MTHFD1L: variants seen among roughly 807,000 people sequenced by gnomAD.
The protein encoded by MTHFD1L is methylenetetrahydrofolate dehydrogenase (NADP+ dependent) 1 like, also known as monofunctional C1-tetrahydrofolate synthase, mitochondrial.
A neutral mutation model predicts 119.5 loss-of-function variants in MTHFD1L; 81 were observed. The ratio of observed to expected loss-of-function variants is 0.68; its 90% CI spans 0.57 to 0.82. MTHFD1L has a LOEUF of 0.82. MTHFD1L is among the 40% of genes least tolerant of loss of function. MTHFD1L has a pLI of 0.00. For missense variants in MTHFD1L, 1,125 were observed against 1,253.4 expected (o/e 0.90, Z 1.55); for synonymous variants, 430 against 475.2 (o/e 0.90, Z 1.24).
chr6:150,928,847 G>A (rs1179647272), intron 11 of MTHFD1L, among the ~76,000 whole-genome samples: 1 of 152,102 alleles, frequency 6.6e-6, no homozygotes, highest in Non-Finnish European at 1.5e-5. Flanking sequence ...CCCAGCTTCT[G>A]TAGCTTTTTT....
Position 150,949,130 on chromosome 6 carries a change from A to G in MTHFD1L, c.1723A>G (p.Arg575Gly). The change falls in exon 16 of 28, where the codon AGA becomes GGA. Residue 575 changes from arginine to glycine, a missense_variant. Coordinates refer to ENST00000367321, the MANE Select transcript of MTHFD1L (RefSeq NM_015440.5). ...CGACCCATCTACCATCACGTGGCAG[A>G]GAGGTGGGTGCTGGGGAGATGCCAG... Reference protein sequence around the residue: ...DIDPSTITWQRVLDTNDRFLR... With the variant: ...DIDPSTITWQGVLDTNDRFLR... The G allele has an allele frequency of 6.2e-7, 1 of 1,613,806 alleles. No homozygotes were observed. The highest frequency in any genetic ancestry group is 8.5e-7 in the Non-Finnish European group (1 of 1,179,844).
chr6:150,923,537 A>ATTTATTTATTTATTTATTTATTTTTTTT (rs1254981530), intron 10 of MTHFD1L, among the ~76,000 whole-genome samples: 2 of 95,208 alleles, frequency 2.1e-5, no homozygotes, highest in Non-Finnish European at 4.0e-5. Flanking sequence ...TTATTTATTT[A>ATTTATTTATTTATTTATTTATTTTTTTT]TTTTTTCTTT....
chr6:151,073,374 G>A (rs889243749), intron 26 of MTHFD1L, among the ~76,000 whole-genome samples: 4 of 152,230 alleles, frequency 2.6e-5, no homozygotes, highest in Admixed American at 6.5e-5. Flanking sequence ...GTTGCCAACA[G>A]CTAGAGTGAA....
chr6:151,043,258 C>CT (rs1170553631), intron 26 of MTHFD1L, among the ~76,000 whole-genome samples: 40,886 of 79,000 alleles, frequency 0.52, 12,404 homozygotes, highest in South Asian at 0.68. Context: ...AGTGTTTTCT[C>CT]TTTTTTTTTT....
intron 8 of MTHFD1L, among the ~76,000 whole-genome samples, chr6:150,908,982 A>T (rs1054604942): frequency 6.6e-6 from 1 of 152,096 alleles, no homozygotes; most frequent in Non-Finnish European, 1.5e-5. Flanking sequence ...TTATAATGAA[A>T]TTTTTATTCT....
At chr6:150,950,098 C>T (rs1224148016) in intron 16 of MTHFD1L, among the ~76,000 whole-genome samples, 1 of 152,174 alleles carries the variant, frequency 6.6e-6, no homozygotes, top group African/African-American at 2.4e-5. Flanking sequence ...CTTCCGTTTC[C>T]ATCCCCCAGT....
intron 15 of MTHFD1L, among the ~76,000 whole-genome samples, chr6:150,948,094 G>C (rs553193399): frequency 6.6e-6 from 1 of 151,886 alleles, no homozygotes; most frequent in African/African-American, 2.4e-5. Flanking sequence ...TGCAACTTCT[G>C]CCTCCCAGGT....
At chr6:151,082,875 A>G (rs1311649828) in intron 26 of MTHFD1L, among the ~76,000 whole-genome samples, 1 of 152,180 alleles carries the variant, frequency 6.6e-6, no homozygotes, top group Non-Finnish European at 1.5e-5. Context: ...GCAAGATGCA[A>G]TTCGTATAGG....
At chr6:151,029,508 C>G (rs1348887974) in intron 24 of MTHFD1L, among the ~76,000 whole-genome samples, 1 of 147,480 alleles carries the variant, frequency 6.8e-6, no homozygotes, top group Non-Finnish European at 1.5e-5. Flanking sequence ...TTAAAAATAA[C>G]AAATCAGGCC....
At chr6:150,959,097 T>C (rs1486026270) in intron 17 of MTHFD1L, 1 of 746,670 alleles carries the variant, frequency 1.3e-6, no homozygotes, top group Non-Finnish European at 1.6e-6. Context: ...AGACCACTTA[T>C]GTTTGGAATG....
At chr6:150,887,012 AAAG>A (rs1782435744) in intron 6 of MTHFD1L, among the ~76,000 whole-genome samples, 1 of 151,804 alleles carries the variant, frequency 6.6e-6, no homozygotes, top group Non-Finnish European at 1.5e-5. Flanking sequence ...AAAAAAAAGA[AAAG>A]AAAAAATTCA....
At chr6:151,090,843 C>T (rs972445680) in intron 26 of MTHFD1L, among the ~76,000 whole-genome samples, 1 of 150,144 alleles carries the variant, frequency 6.7e-6, no homozygotes, top group Non-Finnish European at 1.5e-5. Context: ...GGTGCAGCAT[C>T]GCTCCATGTG....
intron 20 of MTHFD1L, among the ~76,000 whole-genome samples, chr6:150,999,284 T>C (rs1261705662): frequency 2.0e-5 from 3 of 152,218 alleles, no homozygotes; most frequent in East Asian, 1.9e-4. Context: ...AAGTGTTCTG[T>C]GTCATCTTTC....
At position 150,926,017 on chromosome 6, in the gene MTHFD1L, T is replaced by C. The variant is rs938296082; in HGVS notation, c.1083-105T>C. The C allele has an allele frequency of 1.3e-5, 12 of 925,072 alleles. No individual in the cohort carries two copies. Among genetic ancestry groups the C allele is most frequent in the Admixed American group, 5.4e-5 (2 of 37,122 alleles). 57.3% of individuals were successfully genotyped at this position (925,072 alleles called of 1,614,324 possible). A position where few individuals can be genotyped will look rare whatever the true frequency, so the allele number is the denominator to read the frequency against. Reference sequence around the variant, plus strand: ...CCTGGGAGAAAGGACCCCAAAGTAATTGCATTGATTTCATCGTTGGCGTGA... The same window carrying C: ...CCTGGGAGAAAGGACCCCAAAGTAACTGCATTGATTTCATCGTTGGCGTGA... On this transcript the variant is annotated intron_variant, in intron 10 of 27. Coordinates refer to ENST00000367321, the MANE Select transcript of MTHFD1L (RefSeq NM_015440.5). This position sits in a 1 kb window ranked among gnomAD's most constrained non-coding sequence, Gnocchi z 4.3.
intron 21 of MTHFD1L, among the ~76,000 whole-genome samples, chr6:151,012,243 G>C (rs570983167): frequency 1.3e-5 from 2 of 151,788 alleles, no homozygotes; most frequent in South Asian, 4.2e-4. Flanking sequence ...TATGCAGGGA[G>C]TGTTTTCAAT....
At chr6:151,087,225 G>A (rs1196471399) in intron 26 of MTHFD1L, among the ~76,000 whole-genome samples, 1 of 150,984 alleles carries the variant, frequency 6.6e-6, no homozygotes, top group Non-Finnish European at 1.5e-5. Flanking sequence ...GTCCAGCCTG[G>A]GCGACAGAGC....
intron 8 of MTHFD1L, among the ~76,000 whole-genome samples, chr6:150,907,767 G>A (rs1786180950): frequency 6.6e-6 from 1 of 152,282 alleles, no homozygotes; most frequent in African/African-American, 2.4e-5. Context: ...GATGGTCTGT[G>A]TATTTCAAAA....
In MTHFD1L at chr6:150,938,749, A is replaced by G; in HGVS notation, c.1440+4A>G. The G allele has an allele frequency of 6.2e-7, 1 of 1,605,858 alleles. No homozygotes were observed. Among genetic ancestry groups the G allele is most frequent in the South Asian group, 1.1e-5 (1 of 88,956 alleles). ...CCAGGTCATCCCCATGGAGGAGGTA[A>G]GACCTTGAAGAGATGCGGGTCAGCT... On this transcript the variant is annotated splice_donor_region_variant and intron_variant, in intron 13 of 27. Coordinates refer to ENST00000367321, the MANE Select transcript of MTHFD1L (RefSeq NM_015440.5).
In MTHFD1L at chr6:151,039,950, ATACATG is replaced by A. The variant is rs1786829631; in HGVS notation, c.2847+2834_2847+2839del. Among the ~76,000 whole-genome samples the A allele has an allele frequency of 8.6e-5, 13 of 151,796 alleles. No individual in the cohort carries two copies. Among genetic ancestry groups the A allele is most frequent in the Admixed American group, 6.6e-4 (10 of 15,234 alleles). ...CATACATACATACATACATACATGC[ATACATG>A]CATACATGCATACATAGAATGGCCT... On this transcript the variant is annotated intron_variant, in intron 26 of 27. Transcript: ENST00000367321. This position sits in a 1 kb window ranked among gnomAD's most constrained non-coding sequence, Gnocchi z 4.4.
Sources: allele counts gnomAD v4.1 joint callset (sites outside exome capture counted in the v4.1 genomes callset), GRCh38; gene constraint gnomAD v4.1.1; non-coding constraint Gnocchi (gnomAD v3.1); transcripts MANE v1.5; gene names NCBI Gene and HGNC (gene_info 2026-07-23, HGNC 2026-07-21).